Variants in GTPBP1 observed in about 807,000 individuals in gnomAD.
GTPBP1 encodes GTP-binding protein 1.
Under a neutral mutation model 62.0 loss-of-function variants are expected in GTPBP1, and 23 were observed. That is an observed-to-expected ratio of 0.37 (90% CI 0.27 to 0.53). GTPBP1 has a LOEUF of 0.53. GTPBP1 is among the 20% of genes least tolerant of loss of function. The pLI is 0.89. For missense variants in GTPBP1, 640 were observed against 917.3 expected (o/e 0.70, Z 3.90); for synonymous variants, 344 against 364.4 (o/e 0.94, Z 0.64).
Position 38,716,858 on chromosome 22 carries a change from A to T in GTPBP1, c.692A>T (p.His231Leu). The T allele has an allele frequency of 6.2e-7, 1 of 1,614,208 alleles. No individual in the cohort carries two copies. The highest frequency in any genetic ancestry group is 8.5e-7 in the Non-Finnish European group (1 of 1,179,990). ...AATGTAGTGAACAAGCCTGACAGCC[A>T]CGGCGGCAGCCTGGAGTGGACCAAG... ...EGNVVNKPDS[H>L]GGSLEWTKIC... Residue 231 changes from histidine (H) to leucine (L), a missense_variant, in exon 4 of 12, where the codon CAC (histidine) becomes CTC (leucine). His to Leu is a moderately conservative substitution (Grantham distance 99, BLOSUM62 -3). This residue lies in a region of GTPBP1 where 88 missense variants were observed against 217.0 expected (regional missense o/e 0.41). Transcript: ENST00000216044. This position sits in a 1 kb window ranked among gnomAD's most constrained non-coding sequence, Gnocchi z 5.2.
chr22:38,709,943 T>C (rs2284073), intron 2 of GTPBP1, among the ~76,000 whole-genome samples: 56,479 of 152,130 alleles, frequency 0.37, 11,129 homozygotes, highest in African/African-American at 0.51. Flanking sequence ...GAGTATATTA[T>C]GGTTTCTTCC....
chr22:38,715,999 C>G lies in GTPBP1; in HGVS notation c.397C>G (p.Leu133Val). The change falls in exon 3 of 12, where the codon CTT becomes GTT. Residue 133 changes from leucine to valine, a missense_variant. Leu to Val is a conservative substitution (Grantham distance 32). Transcript: ENST00000216044. ...MAEQIEADVI[L>V]LRERQEAGGR... The stretch of plus-strand genomic sequence containing the variant: ...GGAACAGATAGAGGCCGATGTCATC[C>G]TTCTGCGGGAACGGCAAGAAGCTGG... 1.9e-6 allele frequency: 3 copies of G among 1,614,124 alleles called. No homozygotes were observed. The highest frequency in any genetic ancestry group is 2.5e-6 in the Non-Finnish European group (3 of 1,179,986).
chr22:38,719,529 C>T (rs2092688332), intron 4 of GTPBP1, among the ~76,000 whole-genome samples: 1 of 151,948 alleles, frequency 6.6e-6, no homozygotes. Context: ...GGTCTCAAAA[C>T]TCTTGGCTTG....
chr22:38,728,530 G>C (rs1368854478), intron 10 of GTPBP1: 1 of 257,994 alleles, frequency 3.9e-6, no homozygotes, highest in African/African-American at 2.2e-5. Context: ...GTAAGTGCAG[G>C]GGGTTATGGG....
chr22:38,739,050 T>C (rs1795276437), downstream of GTPBP1: 40 of 1,497,238 alleles, frequency 2.7e-5, no homozygotes, highest in Non-Finnish European at 3.2e-5. This position sits in a 1 kb window ranked among gnomAD's most constrained non-coding sequence, Gnocchi z 6.7. Context: ...GCTCAGGCCA[T>C]TGGCTGTCTC....
chr22:38,713,783 G>A (rs150810971), intron 2 of GTPBP1, among the ~76,000 whole-genome samples: 2 of 152,314 alleles, frequency 1.3e-5, no homozygotes, highest in East Asian at 1.9e-4. Flanking sequence ...AACATTGTTA[G>A]TGTCTGTGCT....
chr22:38,742,142 C>CA (rs1189560699), downstream of GTPBP1, among the ~76,000 whole-genome samples: 4 of 143,102 alleles, frequency 2.8e-5, no homozygotes, highest in African/African-American at 1.0e-4. Flanking sequence ...GATATTGTCT[C>CA]AAAAAGAAAA....
At chr22:38,721,623 G>A (rs933495977) in intron 4 of GTPBP1, 119 bp from the exon 5 acceptor site, 7 of 813,900 alleles carry the variant, frequency 8.6e-6, no homozygotes, top group African/African-American at 8.5e-5. Context: ...TCGAGTCAGG[G>A]GTTAACGTGA....
chr22:38,708,812 G>A (rs1360726646), intron 1 of GTPBP1, 33 bp from the exon 2 acceptor site: 1 of 1,173,916 alleles, frequency 8.5e-7, no homozygotes, highest in Non-Finnish European at 1.3e-6. Flanking sequence ...CTTCTAGCAA[G>A]TGTGGTCCTA....
chr22:38,721,943 A>G (rs1291979592), intron 5 of GTPBP1, 78 bp downstream of exon 5: 11 of 1,063,670 alleles, frequency 1.0e-5, no homozygotes, highest in Non-Finnish European at 1.4e-5. Flanking sequence ...GTCTGCTACC[A>G]CGGCTTTAGC....
chr22:38,723,088 A>G (rs1417050450), intron 5 of GTPBP1: 2 of 771,278 alleles, frequency 2.6e-6, no homozygotes, highest in Non-Finnish European at 4.7e-6. Context: ...TCCAGGCAAG[A>G]TGACTAAAGT....
chr22:38,727,395 C>T lies in GTPBP1; in HGVS notation c.1537+47C>T, dbSNP rs2092732607. On this transcript the variant is annotated intron_variant, in intron 9 of 11. Transcript: ENST00000216044. The surrounding 1 kb of genome is among the most constrained non-coding windows in gnomAD (Gnocchi z 6.5). ...AGCCCAGGAGGCCGTCGTGTTAGCT[C>T]CCCTCAGAAGGTGTTCCAGCAACCC... is the stretch of plus-strand genomic sequence containing the variant. 1 of 1,483,510 alleles carries T rather than the reference C, an allele frequency of 6.7e-7. No homozygotes were observed. Among genetic ancestry groups the T allele is most frequent in the Non-Finnish European group, 9.0e-7 (1 of 1,112,174 alleles). The allele number at this position is 1,483,510 out of a possible 1,614,324, so 91.9% of individuals were successfully genotyped here. A position where few individuals can be genotyped will look rare whatever the true frequency, so the allele number is the denominator to read the frequency against.
chr22:38,722,623 T>C, intron 5 of GTPBP1: 3 of 1,301,766 alleles, frequency 2.3e-6, no homozygotes, highest in Non-Finnish European at 3.1e-6. Flanking sequence ...GTAATATTTA[T>C]GAGTACAAGC....
chr22:38,730,516 A>G lies in GTPBP1; in HGVS notation c.1918-96A>G, dbSNP rs2092751785. 2.3e-6 allele frequency: 2 copies of G among 857,554 alleles called. No homozygotes were observed. The highest frequency in any genetic ancestry group is 4.9e-5 in the East Asian group (2 of 40,712). 53.1% of individuals were successfully genotyped at this position (857,554 alleles called of 1,614,324 possible). ...TGAGGACCACGCAGCCTGCTCACGC[A>G]TCTTCCGTCCCTGTCTCCCCGCTGC... is the stretch of plus-strand genomic sequence containing the variant. On this transcript the variant is annotated intron_variant, in intron 11 of 11. Transcript: ENST00000216044. This position sits in a 1 kb window ranked among gnomAD's most constrained non-coding sequence, Gnocchi z 5.6.
At chr22:38,728,769 G>A (rs1441816356) in intron 10 of GTPBP1, 1 of 154,532 alleles carries the variant, frequency 6.5e-6, no homozygotes, top group Non-Finnish European at 1.4e-5. Context: ...TGTCCTTGAA[G>A]GCCTGCATGC....
chr22:38,709,103 T>A, intron 2 of GTPBP1, 147 bp downstream of exon 2: 2 of 532,822 alleles, frequency 3.8e-6, no homozygotes, highest in South Asian at 4.1e-5. Context: ...GCCAACATGG[T>A]GAAACCCCAT....
At chr22:38,709,869 A>G (rs2092628340) in intron 2 of GTPBP1, among the ~76,000 whole-genome samples, 1 of 152,346 alleles carries the variant, frequency 6.6e-6, no homozygotes, top group South Asian at 2.1e-4. Context: ...TTGTTCTCCA[A>G]GCTGCTTATT....
At chr22:38,722,762 G>A (rs1031216315) in intron 5 of GTPBP1, 2 of 1,603,468 alleles carry the variant, frequency 1.2e-6, no homozygotes, top group African/African-American at 2.7e-5. Context: ...CCTTCTGAAA[G>A]TACTCTTTGG....
At chr22:38,711,332 T>G (rs558873791) in intron 2 of GTPBP1, among the ~76,000 whole-genome samples, 9 of 152,186 alleles carry the variant, frequency 5.9e-5, no homozygotes, top group Non-Finnish European at 1.3e-4. Context: ...TGGCCTAATC[T>G]ATAGGATCTG....
Sources: allele counts gnomAD v4.1 joint callset (sites outside exome capture counted in the v4.1 genomes callset), GRCh38; gene constraint gnomAD v4.1.1; regional missense constraint gnomAD v4.1.1; non-coding constraint Gnocchi (gnomAD v3.1); transcripts MANE v1.5; gene names NCBI Gene and HGNC (gene_info 2026-07-23, HGNC 2026-07-21).